GNL2: variants seen among roughly 807,000 people sequenced by gnomAD.
The protein encoded by GNL2 is G protein nucleolar 2, also known as nucleolar GTP-binding protein 2.
In GNL2, 51 loss-of-function variants were observed where a neutral mutation model predicts 92.3. That is an observed-to-expected ratio of 0.55 (90% CI 0.44 to 0.70). The LOEUF (loss-of-function observed/expected upper bound fraction) is 0.70, where lower values mean the gene tolerates loss of function less well. Ranked by LOEUF, GNL2 falls within the 30% of genes least tolerant of loss-of-function variation. The probability of loss-of-function intolerance (pLI) is 0.00; values close to 1 mark genes in which losing one functional copy is unlikely to be tolerated. For missense variants in GNL2, 844 were observed against 895.6 expected, an observed-to-expected ratio of 0.94 and a Z score of 0.74; for synonymous variants, 283 against 300.6, an observed-to-expected ratio of 0.94 and a Z score of 0.61.
intron 4 of GNL2, among the ~76,000 whole-genome samples, chr1:37,589,618 C>A (rs530649368): frequency 1.3e-5 from 2 of 152,268 alleles, no homozygotes; most frequent in East Asian, 3.9e-4. Context: ...ACTATTTAAC[C>A]CACGTATGCA....
chr1:37,571,208 A>T (rs2148128800), intron 12 of GNL2, among the ~76,000 whole-genome samples: 1 of 152,302 alleles, frequency 6.6e-6, no homozygotes, highest in East Asian at 1.9e-4. Context: ...CAGAAATACA[A>T]TTATAATTAA....
intron 5 of GNL2, among the ~76,000 whole-genome samples, chr1:37,586,429 G>C (rs993390791): frequency 3.3e-5 from 5 of 152,042 alleles, no homozygotes; most frequent in African/African-American, 1.2e-4. Flanking sequence ...TTCTCCTTTT[G>C]AGTATGGATC....
At chr1:37,593,627 C>T (rs768602818) in intron 2 of GNL2, 135 bp downstream of exon 2, 94 of 619,112 alleles carry the variant, frequency 1.5e-4, no homozygotes, top group Non-Finnish European at 2.3e-4. Flanking sequence ...ACGACACTCA[C>T]GTACAATTAT....
At chr1:37,582,996 T>C in intron 6 of GNL2, 60 bp from the exon 7 acceptor site, 1 of 1,127,174 alleles carries the variant, frequency 8.9e-7, no homozygotes, top group Non-Finnish European at 1.3e-6. Context: ...GGGATGACAT[T>C]TAAGGGAGTC....
chr1:37,583,573 TTAAC>T (rs1373640090), intron 6 of GNL2, among the ~76,000 whole-genome samples: 5 of 152,216 alleles, frequency 3.3e-5, no homozygotes, highest in Non-Finnish European at 7.3e-5. Flanking sequence ...GCATGTGACT[TTAAC>T]TAGGCATGAT....
chr1:37,585,656 G>A (rs942533385), intron 5 of GNL2, among the ~76,000 whole-genome samples: 6 of 152,128 alleles, frequency 3.9e-5, no homozygotes, highest in African/African-American at 7.2e-5. Flanking sequence ...CAAAGCCAAC[G>A]AAAGTTCAAA....
Position 37,582,953 on chromosome 1 carries a change from G to A in GNL2, c.637-17C>T. 1 of 1,592,064 alleles carries A rather than the reference G, an allele frequency of 6.3e-7. No individual in the cohort carries two copies. Among genetic ancestry groups the A allele is most frequent in the Non-Finnish European group, 8.6e-7 (1 of 1,167,188 alleles). On this transcript the variant is annotated splice_polypyrimidine_tract_variant and intron_variant, in intron 6 of 15. Coordinates refer to ENST00000373062, the MANE Select transcript of GNL2 (RefSeq NM_013285.3). ...ATCTATCACCTGAAAATTCAGAAAGGCAAAAATGGTTTGCTACAGTACAAA... is the reference window on the plus strand; with the variant it reads ...ATCTATCACCTGAAAATTCAGAAAGACAAAAATGGTTTGCTACAGTACAAA...
Position 37,595,864 on chromosome 1 carries a change from C to A in GNL2, c.-42G>T, listed in dbSNP as rs1352469817. The A allele has an allele frequency of 3.2e-6, 5 of 1,563,870 alleles. No homozygotes were observed. The South Asian group carries it at 4.4e-5, about 14-fold the overall frequency. ...GGACCGGAGTGCGAGGTCCGGCTTA[C>A]GTGGTGAAACAAACTTTTATGTTCC... On this transcript the variant is annotated 5_prime_UTR_variant, in exon 1 of 16. Transcript: ENST00000373062.
intron 5 of GNL2, among the ~76,000 whole-genome samples, chr1:37,585,983 C>T (rs1045170553): frequency 2.0e-5 from 3 of 152,068 alleles, no homozygotes; most frequent in South Asian, 2.1e-4. Context: ...TGCTTTGCTC[C>T]GTAAGAACTT....
At chr1:37,568,709 G>A (rs369158286) in intron 13 of GNL2, 142 bp downstream of exon 13, 30 of 697,840 alleles carry the variant, frequency 4.3e-5, no homozygotes, top group African/African-American at 2.3e-4. Flanking sequence ...GCGAGACGCC[G>A]TCTCAAAAAA....
At chr1:37,576,229 C>CG in intron 9 of GNL2, 199 bp downstream of exon 9, 1 of 524,486 alleles carries the variant, frequency 1.9e-6, no homozygotes, top group East Asian at 3.3e-5. Flanking sequence ...CAAAGCCACA[C>CG]GGGGGCATAT....
At position 37,568,853 on chromosome 1, in the gene GNL2, G is replaced by C; in HGVS notation, c.1866C>G (p.Val622=). ...TTGTGAGAAGATGAAAATATTACCT[G>C]ACTGCTGAAAACTTTTTGGCTTTGG... is the stretch of plus-strand genomic sequence containing the variant. The part of the protein sequence containing the change: ...DKAKAKKFSA[V]RISKGLSEKI... Residue 622 remains valine, a splice_region_variant and synonymous_variant, in exon 13 of 16, where the codon GTC becomes GTG. Transcript: ENST00000373062. 1 of 1,607,708 alleles carries C rather than the reference G, an allele frequency of 6.2e-7. No homozygotes were observed. Among genetic ancestry groups the C allele is most frequent in the Non-Finnish European group, 8.5e-7 (1 of 1,176,098 alleles).
intron 8 of GNL2, among the ~76,000 whole-genome samples, chr1:37,577,318 A>C (rs964557525): frequency 5.3e-5 from 8 of 152,152 alleles, no homozygotes; most frequent in Admixed American, 5.2e-4. Context: ...AGCAACCTTG[A>C]AAGTTACGAC....
At chr1:37,594,464 GGACAAAC>G (rs1307184375) in intron 1 of GNL2, among the ~76,000 whole-genome samples, 1 of 152,202 alleles carries the variant, frequency 6.6e-6, no homozygotes, top group Non-Finnish European at 1.5e-5. Flanking sequence ...AGAAAGAGAA[GGACAAAC>G]GAATAGGGTA....
In GNL2 at chr1:37,592,378, A is replaced by AACCT. The variant is rs1464184416; in HGVS notation, c.244+330_244+333dup. 2.0e-5 allele frequency among the ~76,000 whole-genome samples: 3 copies of AACCT among 152,314 alleles called. No homozygotes were observed. The East Asian group carries it at 5.8e-4, about 29-fold the overall frequency. ...CTTACCCTGAAGGATATATGCACAA[A>AACCT]ACCTACAAGGCCACCTCTCCAACAG... On this transcript the variant is annotated intron_variant, in intron 3 of 15. Coordinates refer to ENST00000373062, the MANE Select transcript of GNL2 (RefSeq NM_013285.3).
Position 37,590,816 on chromosome 1 carries a change from A to G in GNL2, c.274T>C (p.Leu92=), listed in dbSNP as rs1643883467. Residue 92 remains leucine (L), a synonymous_variant, in exon 4 of 16, where the codon TTA becomes CTA. Transcript: ENST00000373062. ...TCCATTTCCTCTTGAAATTTTTGTA[A>G]TGATGACTGCTTAATCACACGTGTG... is the stretch of plus-strand genomic sequence containing the variant. ...GNTRVIKQSS[L]QKFQEEMDTV... is the part of the protein sequence containing the mutation. The G allele has an allele frequency of 2.5e-6, 4 of 1,602,736 alleles. No individual in the cohort carries two copies. The highest frequency in any genetic ancestry group is 2.6e-6 in the Non-Finnish European group (3 of 1,174,760).
chr1:37,579,431 C>G (rs942481943), intron 8 of GNL2, among the ~76,000 whole-genome samples: 4 of 151,996 alleles, frequency 2.6e-5, no homozygotes, highest in African/African-American at 9.7e-5. Context: ...CCTGTAATCC[C>G]AGCTACTCGG....
At chr1:37,573,651 T>C (rs926967045) in intron 12 of GNL2, among the ~76,000 whole-genome samples, 5 of 152,232 alleles carry the variant, frequency 3.3e-5, no homozygotes, top group Admixed American at 6.5e-5. Context: ...ATCTTAGCAA[T>C]GATTCTGTTT....
chr1:37,576,816 A>C (rs757121324), intron 8 of GNL2, among the ~76,000 whole-genome samples: 5 of 152,246 alleles, frequency 3.3e-5, no homozygotes, highest in Non-Finnish European at 7.3e-5. Context: ...TATGTAGGTC[A>C]AGAAATAAAA....
Sources: gnomAD v4.1 joint callset for allele counts (sites outside exome capture counted in the v4.1 genomes callset) on GRCh38, gnomAD v4.1.1 for gene constraint, MANE v1.5 for transcripts, NCBI Gene and HGNC (gene_info 2026-07-23, HGNC 2026-07-21) for gene names.